PPARG: variants seen among roughly 807,000 people sequenced by gnomAD.
The protein encoded by PPARG is peroxisome proliferator-activated receptor gamma.
PPARG carries 17 observed loss-of-function variants against 39.2 expected under a neutral mutation model. That is an observed-to-expected ratio of 0.43 (90% confidence interval 0.30 to 0.65). The LOEUF (loss-of-function observed/expected upper bound fraction) is 0.65. PPARG is among the 30% of genes least tolerant of loss of function. PPARG has a pLI of 0.13. For synonymous variants in PPARG, 223 were observed against 215.7 expected (o/e 1.03, Z -0.30); for missense variants, 406 against 585.9 (o/e 0.69, Z 3.17).
intron 4 of PPARG, among the ~76,000 whole-genome samples, chr3:12,385,979 C>G (rs952375025): frequency 6.6e-6 from 1 of 152,106 alleles, no homozygotes; most frequent in African/African-American, 2.4e-5. Context: ...CTGTTACTTT[C>G]TAGCAGACAA....
At chr3:12,332,806 G>A (rs2047898838) in intron 2 of PPARG, among the ~76,000 whole-genome samples, 1 of 152,150 alleles carries the variant, frequency 6.6e-6, no homozygotes, top group African/African-American at 2.4e-5. Flanking sequence ...CAAGGTGGGA[G>A]GATCGTTTGA....
chr3:12,333,927 G>A (rs1039935739), intron 2 of PPARG, among the ~76,000 whole-genome samples: 11 of 152,168 alleles, frequency 7.2e-5, no homozygotes, highest in Non-Finnish European at 1.6e-4. Flanking sequence ...CCATTTTGAC[G>A]AGTTTTTTTG....
chr3:12,365,884 G>C (rs756865876), intron 2 of PPARG, among the ~76,000 whole-genome samples: 1 of 151,934 alleles, frequency 6.6e-6, no homozygotes, highest in Non-Finnish European at 1.5e-5. Flanking sequence ...TGGCTATTAC[G>C]GGTCTTTTGC....
At position 12,295,097 on chromosome 3, in the gene PPARG, C is replaced by T. The variant is rs762197580; in HGVS notation, c.-83+5963C>T. 3.9e-5 allele frequency among the ~76,000 whole-genome samples: 6 copies of T among 152,088 alleles called. No individual in the cohort carries two copies. In the South Asian group the frequency reaches 6.2e-4, roughly 16 times the overall value. On this transcript the variant is annotated intron_variant, in intron 1 of 7. Transcript: ENST00000651735. ...CTCATGACTAATCACATTGCTTACT[C>T]GTCATGCATTTTTTACAAAGTCTTG...
chr3:12,355,233 T>C (rs4135248), intron 2 of PPARG, among the ~76,000 whole-genome samples: 2,526 of 152,194 alleles, frequency 0.017, 21 homozygotes, highest in Middle Eastern at 0.031. Context: ...CTCCCTGGGC[T>C]TCGGTGATCC....
At chr3:12,313,915 G>A (rs933512395) in intron 2 of PPARG, among the ~76,000 whole-genome samples, 31 of 152,254 alleles carry the variant, frequency 2.0e-4, no homozygotes, top group Admixed American at 2.0e-4. Context: ...AAGGAATGAG[G>A]GAAATAGAAA....
At chr3:12,387,172 A>G (rs1414906467) in intron 4 of PPARG, among the ~76,000 whole-genome samples, 1 of 152,240 alleles carries the variant, frequency 6.6e-6, no homozygotes, top group Non-Finnish European at 1.5e-5. Context: ...TAGTGCCATA[A>G]TAAACATATG....
chr3:12,291,657 TG>T (rs1442560651), intron 1 of PPARG, among the ~76,000 whole-genome samples: 2 of 152,198 alleles, frequency 1.3e-5, no homozygotes, highest in Non-Finnish European at 2.9e-5. Flanking sequence ...CTTTTGTAGA[TG>T]TTTAGATAAT....
chr3:12,368,562 C>T (rs1275304596), intron 2 of PPARG, among the ~76,000 whole-genome samples: 1 of 152,104 alleles, frequency 6.6e-6, no homozygotes, highest in Non-Finnish European at 1.5e-5. Flanking sequence ...TAAACTCTAG[C>T]CCCAATACCT....
intron 2 of PPARG, among the ~76,000 whole-genome samples, chr3:12,373,058 T>G (rs532624888): frequency 6.6e-6 from 1 of 152,332 alleles, no homozygotes; most frequent in African/African-American, 2.4e-5. Context: ...AATATTTTGT[T>G]CATTTGTTCT....
chr3:12,359,787 G>C (rs927545736), intron 2 of PPARG, among the ~76,000 whole-genome samples: 15 of 148,698 alleles, frequency 1.0e-4, no homozygotes, highest in African/African-American at 3.7e-4. Flanking sequence ...CAATCCTCCT[G>C]CCTCAGCCTC....
At chr3:12,362,992 G>A (rs9812856) in intron 2 of PPARG, among the ~76,000 whole-genome samples, 15,539 of 151,942 alleles carry the variant, frequency 0.1, 2,616 homozygotes, top group African/African-American at 0.35. Flanking sequence ...GGATCATGGT[G>A]CATTGCAGCC....
At chr3:12,337,425 T>C (rs1288304359) in intron 2 of PPARG, among the ~76,000 whole-genome samples, 1 of 152,122 alleles carries the variant, frequency 6.6e-6, no homozygotes, top group Admixed American at 6.5e-5. Flanking sequence ...AGTATAGCAA[T>C]AATATTGTTA....
At chr3:12,318,043 A>T (rs188970267) in intron 2 of PPARG, among the ~76,000 whole-genome samples, 1 of 152,174 alleles carries the variant, frequency 6.6e-6, no homozygotes, top group East Asian at 1.9e-4. Context: ...GTGCAATCAT[A>T]GCTCACTGCA....
At chr3:12,419,636 T>G (rs1392527198) in intron 7 of PPARG, among the ~76,000 whole-genome samples, 2 of 151,976 alleles carry the variant, frequency 1.3e-5, no homozygotes, top group African/African-American at 4.8e-5. Context: ...ACCCAGCTAA[T>G]TTTTGCATTT....
rs2051763394 is a variant in PPARG, at chr3:12,433,948, C to G, written c.1231C>G (p.Leu411Val). ...VKPIEDIQDN[L>V]LQALELQLKL... ...GCCCATTGAAGACATTCAAGACAAC[C>G]TGCTACAAGCCCTGGAGCTCCAGCT... is the stretch of plus-strand genomic sequence containing the variant. Residue 411 changes from leucine to valine, a missense_variant, in exon 8 of 8, where the codon CTG becomes GTG. Around this residue, in one of 2 missense-constraint regions of PPARG, gnomAD observed 275 missense variants for 458.0 expected, o/e 0.60. Transcript: ENST00000651735. 6.2e-7 allele frequency: 1 copy of G among 1,614,122 alleles called. No homozygotes were observed. Among genetic ancestry groups the G allele is most frequent in the Admixed American group, 1.7e-5 (1 of 60,008 alleles).
chr3:12,344,764 A>G (rs1320826776), intron 2 of PPARG: 3 of 152,202 alleles, frequency 2.0e-5, no homozygotes, highest in Non-Finnish European at 4.4e-5. Flanking sequence ...ATATTTGATT[A>G]TAAGAATTCA....
At chr3:12,410,640 A>G (rs1378114721) in intron 6 of PPARG, among the ~76,000 whole-genome samples, 2 of 152,266 alleles carry the variant, frequency 1.3e-5, no homozygotes, top group Admixed American at 1.3e-4. Flanking sequence ...ATTTATAATT[A>G]TAAGAGCAAA....
At chr3:12,334,072 A>G (rs1403640683) in intron 2 of PPARG, among the ~76,000 whole-genome samples, 1 of 152,074 alleles carries the variant, frequency 6.6e-6, no homozygotes, top group African/African-American at 2.4e-5. Context: ...ACCTCTTTGC[A>G]GCTTCTTTCT....
Sources: allele counts gnomAD v4.1 joint callset (sites outside exome capture counted in the v4.1 genomes callset), GRCh38; gene constraint gnomAD v4.1.1; regional missense constraint gnomAD v4.1.1; transcripts MANE v1.5; gene names NCBI Gene and HGNC (gene_info 2026-07-23, HGNC 2026-07-21).